KLHL1: variants seen among roughly 807,000 people sequenced by gnomAD.
KLHL1 encodes kelch-like protein 1.
In KLHL1, 47 loss-of-function variants were observed where a neutral mutation model predicts 77.7. That is an observed-to-expected ratio of 0.60 (90% CI 0.48 to 0.77). The LOEUF is 0.77. KLHL1 is among the 30% of genes least tolerant of loss of function. KLHL1 has a pLI of 0.00. For missense variants in KLHL1, 925 were observed against 910.8 expected, an observed-to-expected ratio of 1.02 and a Z score of -0.20; for synonymous variants, 360 against 325.2, an observed-to-expected ratio of 1.11 and a Z score of -1.15.
chr13:69,878,986 C>T (rs1165323620), intron 5 of KLHL1, among the ~76,000 whole-genome samples: 2 of 152,044 alleles, frequency 1.3e-5, no homozygotes. Context: ...TCATTCTCAG[C>T]AAACTATCAC....
chr13:69,820,068 G>A (rs561347489), intron 6 of KLHL1, among the ~76,000 whole-genome samples: 57 of 152,258 alleles, frequency 3.7e-4, no homozygotes, highest in African/African-American at 1.3e-3. Context: ...AAAGAGGGCT[G>A]CTCCTTCATG....
At chr13:70,004,792 T>C (rs904028598) in intron 1 of KLHL1, among the ~76,000 whole-genome samples, 1 of 151,742 alleles carries the variant, frequency 6.6e-6, no homozygotes, top group Non-Finnish European at 1.5e-5. Flanking sequence ...GTTAAATAAA[T>C]CAAAATTACT....
intron 1 of KLHL1, among the ~76,000 whole-genome samples, chr13:70,061,328 G>A (rs1886879290): frequency 1.5e-5 from 2 of 133,990 alleles, no homozygotes; most frequent in African/African-American, 5.0e-5. Context: ...TTCCTTGGCA[G>A]TCCTGAATTC....
intron 6 of KLHL1, among the ~76,000 whole-genome samples, chr13:69,823,409 G>C (rs1878417773): frequency 6.6e-6 from 1 of 151,802 alleles, no homozygotes; most frequent in Non-Finnish European, 1.5e-5. Flanking sequence ...GGGGTTGTTG[G>C]TGAGGCGTTA....
chr13:69,877,382 C>T (rs1430389277), intron 5 of KLHL1, among the ~76,000 whole-genome samples: 1 of 151,922 alleles, frequency 6.6e-6, no homozygotes, highest in African/African-American at 2.4e-5. Flanking sequence ...TATTTTATAG[C>T]AACATGGTAC....
At chr13:70,098,507 T>C (rs1423270904) in intron 1 of KLHL1, among the ~76,000 whole-genome samples, 2 of 151,842 alleles carry the variant, frequency 1.3e-5, no homozygotes, top group Non-Finnish European at 3.0e-5. Context: ...CTCTTAAATC[T>C]TTCAATTTAA....
At chr13:69,713,183 A>G (rs1329386538) in intron 9 of KLHL1, among the ~76,000 whole-genome samples, 1 of 152,108 alleles carries the variant, frequency 6.6e-6, no homozygotes, top group Non-Finnish European at 1.5e-5. Flanking sequence ...AATTCAATCT[A>G]ACAGTTTCTA....
chr13:70,091,829 A>G (rs1287830564), intron 1 of KLHL1, among the ~76,000 whole-genome samples: 4 of 152,188 alleles, frequency 2.6e-5, no homozygotes, highest in Non-Finnish European at 4.4e-5. Context: ...TAACTTTCAT[A>G]AAAATTAAAA....
rs143427999 is a variant in KLHL1 at position 70,078,037 on chromosome 13, G to A, written c.497+29166C>T. Among the ~76,000 whole-genome samples the A allele has an allele frequency of 6.6e-5, 10 of 151,962 alleles. No homozygotes were observed. The East Asian group carries it at 1.7e-3, about 26-fold the overall frequency. On this transcript the variant is annotated intron_variant, in intron 1 of 10. Coordinates refer to ENST00000377844, the MANE Select transcript of KLHL1 (RefSeq NM_020866.3). Reference sequence around the variant, plus strand: ...TTCTATTAACCTGTTCTCTACAGGTGCCTCTCTAAATGATCTTTTTTCTTT... The same window carrying A: ...TTCTATTAACCTGTTCTCTACAGGTACCTCTCTAAATGATCTTTTTTCTTT...
chr13:70,067,589 A>G (rs1887039462), intron 1 of KLHL1, among the ~76,000 whole-genome samples: 1 of 152,052 alleles, frequency 6.6e-6, no homozygotes, highest in Non-Finnish European at 1.5e-5. Context: ...CAGGAAGGAT[A>G]AAAGGGCAGG....
chr13:70,067,534 C>T (rs1371639323), intron 1 of KLHL1, among the ~76,000 whole-genome samples: 3 of 152,052 alleles, frequency 2.0e-5, no homozygotes, highest in Non-Finnish European at 2.9e-5. Flanking sequence ...CAGGCCCAGG[C>T]TGTGGTTCAA....
At chr13:69,882,617 T>C (rs1258024856) in intron 4 of KLHL1, 122 bp from the exon 5 acceptor site, 7 of 660,900 alleles carry the variant, frequency 1.1e-5, no homozygotes, top group Non-Finnish European at 1.6e-5. Flanking sequence ...TCCTTGAGAC[T>C]CGATCCTTCA....
chr13:69,937,589 C>T (rs1319475180), intron 4 of KLHL1, among the ~76,000 whole-genome samples: 2 of 152,128 alleles, frequency 1.3e-5, no homozygotes, highest in African/African-American at 4.8e-5. Context: ...CTGGTGCTAT[C>T]TCTATATTCA....
chr13:70,047,505 T>C (rs182895521), intron 1 of KLHL1, among the ~76,000 whole-genome samples: 1 of 152,160 alleles, frequency 6.6e-6, no homozygotes, highest in Non-Finnish European at 1.5e-5. Flanking sequence ...TAGAGACACA[T>C]TACTTACCCC....
chr13:69,765,932 A>G (rs549666638), intron 7 of KLHL1, among the ~76,000 whole-genome samples: 3 of 152,286 alleles, frequency 2.0e-5, no homozygotes, highest in African/African-American at 7.2e-5. Flanking sequence ...AGTTATTGCT[A>G]TTTTGGATTT....
At chr13:69,760,710 TAAAG>T (rs1874979814) in intron 7 of KLHL1, among the ~76,000 whole-genome samples, 2 of 152,156 alleles carry the variant, frequency 1.3e-5, no homozygotes, top group Admixed American at 1.3e-4. Context: ...CTGCTTTTTA[TAAAG>T]ACTTTTTTCA....
At chr13:70,031,404 A>T (rs1335750217) in intron 1 of KLHL1, among the ~76,000 whole-genome samples, 2 of 152,184 alleles carry the variant, frequency 1.3e-5, no homozygotes, top group Non-Finnish European at 2.9e-5. Flanking sequence ...TGAGAAAAAA[A>T]ATAATGTTTA....
intron 5 of KLHL1, among the ~76,000 whole-genome samples, chr13:69,867,480 A>G (rs1220448766): frequency 2.0e-5 from 3 of 152,058 alleles, no homozygotes; most frequent in African/African-American, 7.2e-5. Flanking sequence ...TGGAAAAATA[A>G]ACTAGTAATA....
chr13:69,762,184 T>C (rs1875058068), intron 7 of KLHL1, among the ~76,000 whole-genome samples: 1 of 152,122 alleles, frequency 6.6e-6, no homozygotes, highest in Non-Finnish European at 1.5e-5. Flanking sequence ...CCTAGACAAG[T>C]TGTAAAATCT....
Sources: gnomAD v4.1 joint callset for allele counts (sites outside exome capture counted in the v4.1 genomes callset) on GRCh38, gnomAD v4.1.1 for gene constraint, MANE v1.5 for transcripts, NCBI Gene and HGNC (gene_info 2026-07-23, HGNC 2026-07-21) for gene names.